The following APLP1 variants were observed in gnomAD, a reference collection of about 807,000 sequenced individuals.
The protein encoded by APLP1 is amyloid beta precursor like protein 1.
APLP1 carries 46 observed loss-of-function variants against 84.5 expected under a neutral mutation model. That is an observed-to-expected ratio of 0.54 (90% CI 0.43 to 0.70). The LOEUF (loss-of-function observed/expected upper bound fraction) is 0.70, where lower values mean the gene tolerates loss of function less well. Among genes scored for constraint, APLP1 ranks in the 30% least tolerant of loss-of-function variants. APLP1 has a pLI of 0.00. For missense variants in APLP1, 826 were observed against 900.2 expected (o/e 0.92, Z 1.05); for synonymous variants, 376 against 364.0 (o/e 1.03, Z -0.38).
At chr19:35,872,132 G>A (rs1974170771) in intron 6 of APLP1, 96 bp downstream of exon 6, 19 of 1,418,334 alleles carry the variant, frequency 1.3e-5, no homozygotes, top group Non-Finnish European at 1.8e-5. Context: ...GGGGCCTATA[G>A]GGGAAAGGCC....
chr19:35,878,704 T>C, intron 14 of APLP1, 50 bp downstream of exon 14: 1 of 1,603,572 alleles, frequency 6.2e-7, no homozygotes, highest in South Asian at 1.1e-5. Flanking sequence ...GATCGGGGCC[T>C]ATATGGCTGG....
chr19:35,871,129 G>A, intron 3 of APLP1, 101 bp downstream of exon 3: 2 of 1,517,984 alleles, frequency 1.3e-6, no homozygotes, highest in East Asian at 2.4e-5. Context: ...GGGTGCTTGT[G>A]TCCTAAGTGG....
At chr19:35,869,935 A>C in intron 2 of APLP1, 125 bp downstream of exon 2, 1 of 1,282,002 alleles carries the variant, frequency 7.8e-7, no homozygotes, top group Non-Finnish European at 1.1e-6. Flanking sequence ...AAAGAGGCGC[A>C]ACTATGCTAG....
Position 35,877,998 on chromosome 19 carries a change from C to T in APLP1, c.1553-84C>T, listed in dbSNP as rs968746061. 1.4e-5 allele frequency: 20 copies of T among 1,463,222 alleles called. No individual in the cohort carries two copies. In the African/African-American group the frequency reaches 2.7e-4, roughly 20 times the overall value. 90.6% of individuals were successfully genotyped at this position (1,463,222 alleles called of 1,614,324 possible). ...AGGATCCCCAATCCTCCTTCTTAGT[C>T]CCTGGAAGGATGTTTCTCCACCTTT... On this transcript the variant is annotated intron_variant, in intron 12 of 16. Coordinates refer to ENST00000221891, the MANE Select transcript of APLP1 (RefSeq NM_001024807.3).
At chr19:35,876,170 G>C (rs116569740) in intron 10 of APLP1, among the ~76,000 whole-genome samples, 3 of 152,020 alleles carry the variant, frequency 2.0e-5, no homozygotes, top group Non-Finnish European at 4.4e-5. Context: ...TGTTCTGTGC[G>C]CTCAAATTTG....
chr19:35,869,799 T>A lies in APLP1; in HGVS notation c.280T>A (p.Tyr94Asn). The A allele has an allele frequency of 6.3e-7, 1 of 1,597,990 alleles. No homozygotes were observed. Among genetic ancestry groups the A allele is most frequent in the Non-Finnish European group, 8.5e-7 (1 of 1,173,710 alleles). Residue 94 changes from tyrosine to asparagine, a missense_variant, in exon 2 of 17, where the codon TAC (tyrosine) becomes AAC (asparagine). Tyr to Asn is a moderately radical substitution (Grantham distance 143). Transcript: ENST00000221891. ...CLRDPQRVLE[Y>N]CRQMYPELQI... ...CCGGGACCCGCAGCGCGTGCTGGAG[T>A]ACTGCAGACAGGTGGGCGGGGCCGA...
At chr19:35,872,735 C>G in intron 7 of APLP1, 122 bp downstream of exon 7, 6 of 1,029,626 alleles carry the variant, frequency 5.8e-6, no homozygotes, top group Non-Finnish European at 8.2e-6. Flanking sequence ...ACCTTGAGCT[C>G]TCAACACCAC....
At position 35,876,485 on chromosome 19, in the gene APLP1, G is replaced by T; in HGVS notation, c.1345-32G>T. On this transcript the variant is annotated intron_variant, in intron 10 of 16. Coordinates refer to ENST00000221891, the MANE Select transcript of APLP1 (RefSeq NM_001024807.3). The stretch of plus-strand genomic sequence containing the variant: ...TTTCCTCATCTCCAGCCTGCATTGC[G>T]CAGTTCATCCTTCATGTCCACTCAC... 3 of 1,568,128 alleles carry T rather than the reference G, an allele frequency of 1.9e-6. No homozygotes were observed. The South Asian group carries it at 3.3e-5, about 17-fold the overall frequency.
In APLP1 at chr19:35,874,161, C is replaced by T. The variant is rs1303143647; in HGVS notation, c.1057-343C>T. Among the ~76,000 whole-genome samples, 1 of 152,190 alleles carries T rather than the reference C, an allele frequency of 6.6e-6. No individual in the cohort carries two copies. Among genetic ancestry groups the T allele is most frequent in the Non-Finnish European group, 1.5e-5 (1 of 68,034 alleles). On this transcript the variant is annotated intron_variant, in intron 8 of 16. Transcript: ENST00000221891. This position sits in a 1 kb window ranked among gnomAD's most constrained non-coding sequence, Gnocchi z 6.4. ...TTCCAGCTCTTTGTCCCACCCCTATCGTGTCATTTATACACAGCCTGTCTC... is the reference window on the plus strand; with the variant it reads ...TTCCAGCTCTTTGTCCCACCCCTATTGTGTCATTTATACACAGCCTGTCTC...
At position 35,868,713 on chromosome 19, in the gene APLP1, T is replaced by C; in HGVS notation, c.77T>C (p.Leu26Pro). The C allele has an allele frequency of 7.1e-7, 1 of 1,414,302 alleles. No homozygotes were observed. The allele number at this position is 1,414,302 out of a possible 1,614,324, so 87.6% of individuals were successfully genotyped here. A position where few individuals can be genotyped will look rare whatever the true frequency, so the allele number is the denominator to read the frequency against. ...GQPPLPLLLPLLLLLLRAQPA... is the reference protein window; with the variant it reads ...GQPPLPLLLPPLLLLLRAQPA... ...CCGCCGCTGCCGCTGCTGCTGCCACTATTGCTGCTGCTTCTGCGCGCGCAG... is the reference window on the plus strand; with the variant it reads ...CCGCCGCTGCCGCTGCTGCTGCCACCATTGCTGCTGCTTCTGCGCGCGCAG... Residue 26 changes from leucine to proline, a missense_variant, in exon 1 of 17, where the codon CTA becomes CCA. Physicochemically the swap from Leu to Pro is moderately conservative, Grantham distance 98. Coordinates refer to ENST00000221891, the MANE Select transcript of APLP1 (RefSeq NM_001024807.3). The surrounding 1 kb of genome is among the most constrained non-coding windows in gnomAD (Gnocchi z 5.2).
At chr19:35,878,766 G>C (rs895830259) in intron 14 of APLP1, 112 bp downstream of exon 14, 36 of 1,528,374 alleles carry the variant, frequency 2.4e-5, no homozygotes, top group Non-Finnish European at 3.1e-5. Flanking sequence ...GAGGGAAGAG[G>C]GAGCTGAGGA....
rs1974176359 is a variant in APLP1 at position 35,872,400 on chromosome 19, A to G, written c.851-83A>G. ...CTGGGTGCATGATGGTCTCCAGTGCACTCTAGGAAATGTGGTTCTCTAGGT... is the reference window on the plus strand; with the variant it reads ...CTGGGTGCATGATGGTCTCCAGTGCGCTCTAGGAAATGTGGTTCTCTAGGT... On this transcript the variant is annotated intron_variant, in intron 6 of 16. Coordinates refer to ENST00000221891, the MANE Select transcript of APLP1 (RefSeq NM_001024807.3). The G allele has an allele frequency of 1.9e-6, 3 of 1,545,666 alleles. No individual in the cohort carries two copies. The East Asian group carries it at 6.8e-5, about 35-fold the overall frequency.
chr19:35,878,765 G>C, intron 14 of APLP1, 111 bp downstream of exon 14: 1 of 1,529,922 alleles, frequency 6.5e-7, no homozygotes, highest in East Asian at 2.3e-5. Context: ...TGAGGGAAGA[G>C]GGAGCTGAGG....
At chr19:35,876,700 T>A in intron 11 of APLP1, 84 bp downstream of exon 11, 2 of 1,128,754 alleles carry the variant, frequency 1.8e-6, no homozygotes, top group Non-Finnish European at 2.5e-6. Flanking sequence ...CCAATTTCAT[T>A]TATTCCTCTA....
intron 7 of APLP1, among the ~76,000 whole-genome samples, chr19:35,873,369 T>C (rs548462563): frequency 1.3e-3 from 196 of 150,428 alleles, no homozygotes; most frequent in African/African-American, 4.7e-3. Flanking sequence ...TGCCTCAGCC[T>C]CCCGAGTAGC....
chr19:35,872,889 C>T (rs1049069955), intron 7 of APLP1, among the ~76,000 whole-genome samples: 4 of 149,346 alleles, frequency 2.7e-5, no homozygotes, highest in African/African-American at 5.0e-5. Context: ...GACGGAGTTT[C>T]GCTCTTAACA....
Position 35,870,937 on chromosome 19 carries a change from G to T in APLP1, c.333G>T (p.Thr111=). The change falls in exon 3 of 17, where the codon ACG becomes ACT. Residue 111 remains threonine (T), a synonymous_variant. Transcript: ENST00000221891. ...ELQIARVEQA[T]QAIPMERWCG... Reference sequence around the variant, plus strand: ...AGATTGCACGTGTGGAGCAGGCTACGCAGGCCATCCCCATGGAGCGCTGGT... The same window carrying T: ...AGATTGCACGTGTGGAGCAGGCTACTCAGGCCATCCCCATGGAGCGCTGGT... The T allele has an allele frequency of 6.2e-7, 1 of 1,600,512 alleles. No homozygotes were observed. The highest frequency in any genetic ancestry group is 1.3e-5 in the African/African-American group (1 of 74,956).
In APLP1 at chr19:35,874,810, C is replaced by T. The variant is rs769176149; in HGVS notation, c.1285C>T (p.Arg429Cys). 3.2e-5 allele frequency: 52 copies of T among 1,612,530 alleles called. No homozygotes were observed. The highest frequency in any genetic ancestry group is 1.2e-4 in the African/African-American group (9 of 74,934). ...AEQKEQRHTLRHYQHVAAVDP... is the reference protein window; with the variant it reads ...AEQKEQRHTLCHYQHVAAVDP... ...GCAGAAGGAACAGAGGCACACGCTG[C>T]GCCACTACCAGCATGTGGCCGCCGT... Residue 429 changes from arginine (R) to cysteine (C), a missense_variant, in exon 10 of 17, where the codon CGC (arginine) becomes TGC (cysteine). Physicochemically the swap from Arg to Cys is radical, Grantham distance 180. Coordinates refer to ENST00000221891, the MANE Select transcript of APLP1 (RefSeq NM_001024807.3). This position sits in a 1 kb window ranked among gnomAD's most constrained non-coding sequence, Gnocchi z 6.4.
Position 35,869,791 on chromosome 19 carries a change from T to C in APLP1, c.272T>C (p.Val91Ala), listed in dbSNP as rs915649014. The C allele has an allele frequency of 6.2e-7, 1 of 1,600,840 alleles. No homozygotes were observed. The highest frequency in any genetic ancestry group is 1.3e-5 in the African/African-American group (1 of 74,770). ...CGCTGTCTCCGGGACCCGCAGCGCG[T>C]GCTGGAGTACTGCAGACAGGTGGGC... ...SRRCLRDPQR[V>A]LEYCRQMYPE... Residue 91 changes from valine to alanine, a missense_variant, in exon 2 of 17, where the codon GTG (valine) becomes GCG (alanine). Physicochemically the swap from Val to Ala is moderately conservative, Grantham distance 64. Coordinates refer to ENST00000221891, the MANE Select transcript of APLP1 (RefSeq NM_001024807.3).
Sources: allele counts gnomAD v4.1 joint callset (sites outside exome capture counted in the v4.1 genomes callset), GRCh38; gene constraint gnomAD v4.1.1; non-coding constraint Gnocchi (gnomAD v3.1); transcripts MANE v1.5; gene names NCBI Gene and HGNC (gene_info 2026-07-23, HGNC 2026-07-21).